The following BRCA2 variants were observed in gnomAD, a reference collection of about 807,000 sequenced individuals.
The protein encoded by BRCA2 is BRCA2 DNA repair associated, also known as breast cancer type 2 susceptibility protein.
BRCA2 carries 203 observed loss-of-function variants against 276.7 expected under a neutral mutation model. The ratio of observed to expected loss-of-function variants is 0.73; its 90% CI spans 0.65 to 0.82. BRCA2 has a LOEUF of 0.82. BRCA2 is among the 40% of genes least tolerant of loss of function. BRCA2 has a pLI of 0.00. For missense variants in BRCA2, 3,920 were observed against 3,915.0 expected (o/e 1.00, Z -0.03); for synonymous variants, 1,289 against 1,338.4 (o/e 0.96, Z 0.81).
intron 24 of BRCA2, among the ~76,000 whole-genome samples, chr13:32,387,241 T>C (rs968838316): frequency 6.6e-6 from 1 of 152,164 alleles, no homozygotes; most frequent in Non-Finnish European, 1.5e-5. Flanking sequence ...TTAAGGATAG[T>C]CATAATACAA....
chr13:32,335,962 G>C (rs1313955973), intron 10 of BRCA2, among the ~76,000 whole-genome samples: 1 of 152,014 alleles, frequency 6.6e-6, no homozygotes, highest in Non-Finnish European at 1.5e-5. Context: ...GCTCACCGTA[G>C]CCTCACCCTC....
intron 18 of BRCA2, among the ~76,000 whole-genome samples, chr13:32,366,825 GA>G (rs112101824): frequency 0.022 from 1,151 of 51,730 alleles, 17 homozygotes; most frequent in African/African-American, 0.072. Context: ...CTGTCTCAAA[GA>G]AAAAAAAAAA....
chr13:32,354,755 A>G, intron 13 of BRCA2, 106 bp from the exon 14 acceptor site: 3 of 818,556 alleles, frequency 3.7e-6, no homozygotes, highest in African/African-American at 1.7e-5. Flanking sequence ...AACAGTTACC[A>G]GAATAGTATC....
chr13:32,368,952 A>T (rs1356084709), intron 18 of BRCA2, among the ~76,000 whole-genome samples: 1 of 151,510 alleles, frequency 6.6e-6, no homozygotes, highest in East Asian at 1.9e-4. Context: ...CTGGGACTAC[A>T]GGCGCCTGCC....
At chr13:32,359,222 G>GAAAAAAAAAAAAAAAA (rs67041705) in intron 16 of BRCA2, among the ~76,000 whole-genome samples, 4 of 107,430 alleles carry the variant, frequency 3.7e-5, no homozygotes, top group Non-Finnish European at 7.3e-5. Flanking sequence ...TCCATCTCAA[G>GAAAAAAAAAAAAAAAA]AAAAAAAAAA....
intron 9 of BRCA2, among the ~76,000 whole-genome samples, chr13:32,331,315 A>G (rs1459767756): frequency 6.6e-6 from 1 of 152,112 alleles, no homozygotes; most frequent in African/African-American, 2.4e-5. Context: ...TACTCTTTTT[A>G]ATTGGCACCA....
rs81002855 is a variant in BRCA2, at chr13:32,329,434, A to T, written c.632-9A>T. On this transcript the variant is annotated splice_polypyrimidine_tract_variant and intron_variant, in intron 7 of 26. Coordinates refer to ENST00000380152, the MANE Select transcript of BRCA2 (RefSeq NM_000059.4). ...TAATATACAATACACATAAATTTTTATCTTACAGTCAGAAATGAAGAAGCA... is the reference window on the plus strand; with the variant it reads ...TAATATACAATACACATAAATTTTTTTCTTACAGTCAGAAATGAAGAAGCA... 1.3e-6 allele frequency: 2 copies of T among 1,585,962 alleles called. No homozygotes were observed. The highest frequency in any genetic ancestry group is 2.2e-5 in the East Asian group (1 of 44,584).
intron 2 of BRCA2, 35 bp from the exon 3 acceptor site, chr13:32,319,042 G>A (rs2072283304): frequency 1.2e-6 from 2 of 1,609,324 alleles, no homozygotes; most frequent in Non-Finnish European, 1.7e-6. Flanking sequence ...GTCTGTCACT[G>A]GTTAAAACTA....
chr13:32,350,747 C>CT (rs1168101254), intron 13 of BRCA2, among the ~76,000 whole-genome samples: 1 of 150,756 alleles, frequency 6.6e-6, no homozygotes, highest in East Asian at 1.9e-4. Context: ...AGCGAGACTC[C>CT]GTCTCAAAAA....
chr13:32,338,052 G>T lies in BRCA2; in HGVS notation c.3697G>T (p.Ala1233Ser), dbSNP rs80358613. ...CACAAAACTGAATGTTTCTACTGAA[G>T]CTCTGCAAAAAGCTGTGAAACTGTT... ...HGTKLNVSTEALQKAVKLFSD... is the reference protein window; with the variant it reads ...HGTKLNVSTESLQKAVKLFSD... The change falls in exon 11 of 27, where the codon GCT becomes TCT. Residue 1233 changes from alanine to serine, a missense_variant. By Grantham distance (99) the Ala-to-Ser change is moderately conservative. Coordinates refer to ENST00000380152, the MANE Select transcript of BRCA2 (RefSeq NM_000059.4). The T allele has an allele frequency of 6.2e-7, 1 of 1,611,364 alleles. No homozygotes were observed. Among genetic ancestry groups the T allele is most frequent in the South Asian group, 1.1e-5 (1 of 90,514 alleles).
intron 3 of BRCA2, among the ~76,000 whole-genome samples, chr13:32,323,592 T>C (rs140370140): frequency 6.6e-6 from 1 of 152,322 alleles, no homozygotes; most frequent in East Asian, 1.9e-4. Flanking sequence ...GCTTTATTAG[T>C]GATTATGTCT....
chr13:32,398,676 C>A lies in BRCA2; in HGVS notation c.10163C>A (p.Thr3388Lys), dbSNP rs1431008455. Residue 3388 changes from threonine to lysine, a missense_variant, in exon 27 of 27, where the codon ACA (threonine) becomes AAA (lysine). Around this residue, in one of 2 missense-constraint regions of BRCA2, gnomAD observed 657 missense variants for 758.2 expected, o/e 0.87. Coordinates refer to ENST00000380152, the MANE Select transcript of BRCA2 (RefSeq NM_000059.4). ...CTCAGACTGAAACGACGTTGTACTACATCTCTGATCAAAGAACAGGAGAGT... is the reference window on the plus strand; with the variant it reads ...CTCAGACTGAAACGACGTTGTACTAAATCTCTGATCAAAGAACAGGAGAGT... ...DYLRLKRRCT[T>K]SLIKEQESSQ... is the part of the protein sequence containing the mutation. The A allele has an allele frequency of 6.2e-7, 1 of 1,614,160 alleles. No individual in the cohort carries two copies. Among genetic ancestry groups the A allele is most frequent in the East Asian group, 2.2e-5 (1 of 44,876 alleles).
At chr13:32,376,302 A>G (rs1800546628) in intron 20 of BRCA2, among the ~76,000 whole-genome samples, 1 of 151,990 alleles carries the variant, frequency 6.6e-6, no homozygotes, top group African/African-American at 2.4e-5. Flanking sequence ...GTGGTGGATC[A>G]CTTGAGGTCA....
intron 11 of BRCA2, 73 bp downstream of exon 11, chr13:32,341,269 C>G (rs864309641): frequency 6.3e-7 from 1 of 1,585,302 alleles, no homozygotes; most frequent in Admixed American, 1.7e-5. Flanking sequence ...ACTTGGTATG[C>G]TAACAATTAA....
intron 10 of BRCA2, among the ~76,000 whole-genome samples, chr13:32,335,060 T>C (rs2072437518): frequency 6.6e-6 from 1 of 152,098 alleles, no homozygotes; most frequent in East Asian, 1.9e-4. Flanking sequence ...AAAGCTAATA[T>C]AGGCCAGGCG....
chr13:32,370,110 A>G (rs2072816771), intron 18 of BRCA2, among the ~76,000 whole-genome samples: 1 of 152,198 alleles, frequency 6.6e-6, no homozygotes, highest in African/African-American at 2.4e-5. Context: ...AGTGTATTTT[A>G]AACTATTATG....
intron 24 of BRCA2, among the ~76,000 whole-genome samples, chr13:32,390,813 C>T (rs2072991924): frequency 6.6e-6 from 1 of 152,182 alleles, no homozygotes. Context: ...TTTCTACTTC[C>T]ACTTCTGACA....
rs1380498983 is a variant in BRCA2 at position 32,338,960 on chromosome 13, A to T, written c.4605A>T (p.Ala1535=). The T allele has an allele frequency of 1.9e-6, 3 of 1,613,790 alleles. No homozygotes were observed. ...CTAGCGGGAAAAAAGTTAAAATTGC[A>T]AAGGAATCTTTGGACAAAGTGAAAA... ...HTASGKKVKI[A]KESLDKVKNL... is the part of the protein sequence containing the mutation. Residue 1535 remains alanine (A), a synonymous_variant, in exon 11 of 27, where the codon GCA becomes GCT. Transcript: ENST00000380152.
At chr13:32,331,075 T>G in intron 9 of BRCA2, 45 bp downstream of exon 9, 1 of 1,446,468 alleles carries the variant, frequency 6.9e-7, no homozygotes, top group South Asian at 1.2e-5. Flanking sequence ...TTGTTGTTGT[T>G]GTTTTGATTT....
Sources: gnomAD v4.1 joint callset for allele counts (sites outside exome capture counted in the v4.1 genomes callset) on GRCh38, gnomAD v4.1.1 for gene constraint, gnomAD v4.1.1 regional missense constraint, MANE v1.5 for transcripts, NCBI Gene and HGNC (gene_info 2026-07-23, HGNC 2026-07-21) for gene names.